Variants in ZBTB34 observed in about 807,000 individuals in gnomAD.
ZBTB34 encodes zinc finger and BTB domain-containing protein 34.
A neutral mutation model predicts 33.4 loss-of-function variants in ZBTB34; 1 was observed. The observed-to-expected ratio is 0.03, with a 90% CI of 0.01 to 0.14. The LOEUF (loss-of-function observed/expected upper bound fraction) is 0.14, where lower values mean the gene tolerates loss of function less well. Among genes scored for constraint, ZBTB34 ranks in the 10% least tolerant of loss-of-function variants. The probability of loss-of-function intolerance (pLI) is 1.00; values close to 1 mark genes in which losing one functional copy is unlikely to be tolerated. For synonymous variants in ZBTB34, 283 were observed against 253.5 expected, an observed-to-expected ratio of 1.12 and a Z score of -1.11; for missense variants, 406 against 657.2, an observed-to-expected ratio of 0.62 and a Z score of 4.18.
At chr9:126,878,934 G>C (rs1437414590) in intron 1 of ZBTB34, among the ~76,000 whole-genome samples, 2 of 152,134 alleles carry the variant, frequency 1.3e-5, no homozygotes, top group African/African-American at 4.8e-5. Flanking sequence ...ATGTTGGCCA[G>C]GTTGGTTTCA....
intron 1 of ZBTB34, among the ~76,000 whole-genome samples, chr9:126,866,973 T>A (rs2033210617): frequency 6.6e-6 from 1 of 151,662 alleles, no homozygotes; most frequent in Admixed American, 6.5e-5. Flanking sequence ...GAATGACATA[T>A]ATGCATACAT....
chr9:126,871,983 C>A (rs183020554), intron 1 of ZBTB34, among the ~76,000 whole-genome samples: 44 of 149,642 alleles, frequency 2.9e-4, no homozygotes, highest in Admixed American at 1.1e-3. Flanking sequence ...AATGGAGATT[C>A]GCTCTTGTTG....
At chr9:126,863,073 A>C (rs2033161823) in intron 1 of ZBTB34, among the ~76,000 whole-genome samples, 1 of 152,188 alleles carries the variant, frequency 6.6e-6, no homozygotes, top group Non-Finnish European at 1.5e-5. Context: ...TTTCCCTCTG[A>C]TCATGGGAAA....
intron 1 of ZBTB34, among the ~76,000 whole-genome samples, chr9:126,874,855 T>A (rs1030889203): frequency 6.6e-6 from 1 of 152,250 alleles, no homozygotes; most frequent in African/African-American, 2.4e-5. Context: ...GTTGTTCACA[T>A]AGGCTTCTCT....
At chr9:126,875,592 G>T (rs933701342) in intron 1 of ZBTB34, among the ~76,000 whole-genome samples, 2 of 151,964 alleles carry the variant, frequency 1.3e-5, no homozygotes, top group Non-Finnish European at 2.9e-5. Context: ...TCTGGTTCCT[G>T]TTGCTATATT....
chr9:126,861,046 C>T (rs1050455542), intron 1 of ZBTB34, among the ~76,000 whole-genome samples: 1 of 152,034 alleles, frequency 6.6e-6, no homozygotes, highest in Non-Finnish European at 1.5e-5. Flanking sequence ...GGGCAGCTGC[C>T]CTGGGCTCCC....
At chr9:126,865,283 C>T (rs2033185879) in intron 1 of ZBTB34, among the ~76,000 whole-genome samples, 1 of 152,178 alleles carries the variant, frequency 6.6e-6, no homozygotes, top group South Asian at 2.1e-4. Flanking sequence ...GATCTTGAGC[C>T]ACCAGCTTGT....
exon 2 of ZBTB34, chr9:126,881,726 T>G (rs1286299357): frequency 1.2e-5 from 2 of 167,058 alleles, no homozygotes; most frequent in Non-Finnish European, 2.9e-5. Flanking sequence ...GGATGACCTG[T>G]GGTGCTGACC....
chr9:126,865,994 AAAAAC>A (rs1450895470), intron 1 of ZBTB34, among the ~76,000 whole-genome samples: 1 of 152,142 alleles, frequency 6.6e-6, no homozygotes, highest in Non-Finnish European at 1.5e-5. Context: ...AAAACAAAAC[AAAAAC>A]AAAACTAGTC....
At chr9:126,865,531 C>G (rs2033189426) in intron 1 of ZBTB34, among the ~76,000 whole-genome samples, 1 of 152,188 alleles carries the variant, frequency 6.6e-6, no homozygotes, top group African/African-American at 2.4e-5. Flanking sequence ...GATTTTAAGG[C>G]CCAGGTGGGT....
rs372471765 is a variant in ZBTB34 at position 126,879,386 on chromosome 9, G to T, written c.-10-4G>T. ...TGAATGATGCAAACTCTCTCTCTCCGCAGAGTACGCTTCATGTCAGTAGAA... is the reference window on the plus strand; with the variant it reads ...TGAATGATGCAAACTCTCTCTCTCCTCAGAGTACGCTTCATGTCAGTAGAA... On this transcript the variant is annotated splice_polypyrimidine_tract_variant and splice_region_variant and intron_variant, in intron 1 of 1. Coordinates refer to ENST00000319119, the Ensembl canonical transcript of ZBTB34. The surrounding 1 kb of genome is among the most constrained non-coding windows in gnomAD (Gnocchi z 6.4). The T allele has an allele frequency of 1.3e-6, 2 of 1,594,208 alleles. No individual in the cohort carries two copies. Among genetic ancestry groups the T allele is most frequent in the Non-Finnish European group, 1.7e-6 (2 of 1,169,112 alleles).
exon 2 of ZBTB34, chr9:126,883,575 G>A (rs2033475187): frequency 6.0e-6 from 1 of 166,984 alleles, no homozygotes; most frequent in Non-Finnish European, 1.5e-5. Flanking sequence ...CATTGTAATG[G>A]GACTGTTAAG....
chr9:126,883,781 C>G (rs921419242), exon 2 of ZBTB34: 2 of 167,166 alleles, frequency 1.2e-5, no homozygotes, highest in Admixed American at 1.3e-4. Context: ...CAGCACGGAG[C>G]TGTGTAGCCT....
chr9:126,862,408 T>TA (rs1421678641), intron 1 of ZBTB34, among the ~76,000 whole-genome samples: 1 of 152,018 alleles, frequency 6.6e-6, no homozygotes, highest in African/African-American at 2.4e-5. Flanking sequence ...CAAAGCTGAG[T>TA]AGTGGCCTCT....
At chr9:126,862,914 C>T (rs1436225217) in intron 1 of ZBTB34, among the ~76,000 whole-genome samples, 2 of 24,754 alleles carry the variant, frequency 8.1e-5, no homozygotes, top group Non-Finnish European at 1.9e-4. Context: ...TTGTAATTTG[C>T]CTTTTTTTTT....
At chr9:126,868,989 TCTC>T (rs142582001) in intron 1 of ZBTB34, among the ~76,000 whole-genome samples, 8,388 of 152,200 alleles carry the variant, frequency 0.055, 246 homozygotes, top group Middle Eastern at 0.088. Flanking sequence ...GGAACATTCT[TCTC>T]CTCATAACCC....
At chr9:126,870,646 G>A (rs573778341) in intron 1 of ZBTB34, among the ~76,000 whole-genome samples, 106 of 152,324 alleles carry the variant, frequency 7.0e-4, no homozygotes, top group African/African-American at 2.3e-3. Context: ...AACAAATGCA[G>A]CCGGGCGCAG....
At chr9:126,867,008 G>A (rs1239959931) in intron 1 of ZBTB34, among the ~76,000 whole-genome samples, 3 of 151,938 alleles carry the variant, frequency 2.0e-5, no homozygotes, top group Admixed American at 1.3e-4. Context: ...TGCTGTTTTT[G>A]GCTAAATCTT....
rs1018180857 is a variant in ZBTB34, at chr9:126,869,725, C to G, written c.-11+8986C>G. Among the ~76,000 whole-genome samples, 4 of 152,058 alleles carry G rather than the reference C, an allele frequency of 2.6e-5. No homozygotes were observed. The East Asian group carries it at 7.7e-4, about 29-fold the overall frequency. On this transcript the variant is annotated intron_variant, in intron 1 of 1. Transcript: ENST00000319119. ...GGCTGTGTGTGAGGTGAAAGCTATT[C>G]CACAGGTGTGAAATTATTCTCTTTC...
Sources: allele counts gnomAD v4.1 joint callset (sites outside exome capture counted in the v4.1 genomes callset), GRCh38; gene constraint gnomAD v4.1.1; non-coding constraint Gnocchi (gnomAD v3.1); transcripts MANE v1.5; gene names NCBI Gene and HGNC (gene_info 2026-07-23, HGNC 2026-07-21).